Variants in SLC38A10 observed in about 807,000 individuals in gnomAD.
The protein encoded by SLC38A10 is solute carrier family 38 member 10.
Under a neutral mutation model 81.0 loss-of-function variants are expected in SLC38A10, and 53 were observed. The observed-to-expected ratio is 0.65, with a 90% CI of 0.53 to 0.82. The LOEUF (loss-of-function observed/expected upper bound fraction) is 0.82, where lower values mean the gene tolerates loss of function less well. Among genes scored for constraint, SLC38A10 ranks in the 40% least tolerant of loss-of-function variants. SLC38A10 has a pLI of 0.00. For missense variants in SLC38A10, 1,471 were observed against 1,545.0 expected (o/e 0.95, Z 0.80); for synonymous variants, 665 against 655.3 (o/e 1.01, Z -0.23).
At chr17:81,262,083 A>T (rs1288575559) in intron 10 of SLC38A10, among the ~76,000 whole-genome samples, 3 of 152,206 alleles carry the variant, frequency 2.0e-5, no homozygotes, top group Admixed American at 6.5e-5. Flanking sequence ...AAAGAGGAAG[A>T]AACCGGAACT....
intron 11 of SLC38A10, among the ~76,000 whole-genome samples, chr17:81,259,141 G>A (rs9901361): frequency 0.29 from 43,561 of 152,106 alleles, 7,021 homozygotes; most frequent in African/African-American, 0.41. Flanking sequence ...GCGTCCCCAC[G>A]CACTCAGCCG....
At position 81,271,005 on chromosome 17, in the gene SLC38A10, G is replaced by T. The variant is rs1460077477; in HGVS notation, c.1044C>A (p.Leu348=). The change falls in exon 10 of 16, where the codon CTC becomes CTA. Residue 348 remains leucine, a synonymous_variant. Coordinates refer to ENST00000374759, the MANE Select transcript of SLC38A10 (RefSeq NM_001037984.3). ...LIPNVETILG[L]TGATMGSLIC... ...TGAGGCTTCCCATGGTCGCTCCTGT[G>T]AGGCCCAGGATGGTCTCCACTAGGA... 4 of 1,612,790 alleles carry T rather than the reference G, an allele frequency of 2.5e-6. No individual in the cohort carries two copies. The highest frequency in any genetic ancestry group is 3.4e-6 in the Non-Finnish European group (4 of 1,179,950).
Position 81,253,705 on chromosome 17 carries a change from A to C in SLC38A10, c.1289-465T>G, listed in dbSNP as rs1219892467. Among the ~76,000 whole-genome samples the C allele has an allele frequency of 5.3e-5, 8 of 150,196 alleles. No individual in the cohort carries two copies. Among genetic ancestry groups the C allele is most frequent in the African/African-American group, 7.4e-5 (3 of 40,440 alleles). On this transcript the variant is annotated intron_variant, in intron 11 of 15. Transcript: ENST00000374759. The surrounding 1 kb of genome is among the most constrained non-coding windows in gnomAD (Gnocchi z 4.1). ...TACCACCAACATCACCATCATCACC[A>C]TCACCATCACCATCATCACCATCTC...
In SLC38A10 at chr17:81,272,637, A is replaced by G; in HGVS notation, c.913-10T>C. Reference sequence around the variant, plus strand: ...AGGTGCCATCTTTTTGCTGTACAAAAGAAAAACAAAAGGTTTTGAAATGAC... The same window carrying G: ...AGGTGCCATCTTTTTGCTGTACAAAGGAAAAACAAAAGGTTTTGAAATGAC... On this transcript the variant is annotated splice_polypyrimidine_tract_variant and intron_variant, in intron 8 of 15. Coordinates refer to ENST00000374759, the MANE Select transcript of SLC38A10 (RefSeq NM_001037984.3). 1 of 1,531,218 alleles carries G rather than the reference A, an allele frequency of 6.5e-7. No individual in the cohort carries two copies. Among genetic ancestry groups the G allele is most frequent in the Non-Finnish European group, 8.8e-7 (1 of 1,142,560 alleles). The allele number at this position is 1,531,218 out of a possible 1,614,324, so 94.9% of individuals were successfully genotyped here. A position where few individuals can be genotyped will look rare whatever the true frequency, so the allele number is the denominator to read the frequency against.
In SLC38A10 at chr17:81,283,514, C is replaced by A. The variant is rs370232927; in HGVS notation, c.264-12G>T. The A allele has an allele frequency of 6.3e-7, 1 of 1,598,638 alleles. No individual in the cohort carries two copies. The highest frequency in any genetic ancestry group is 1.3e-5 in the African/African-American group (1 of 74,468). Reference sequence around the variant, plus strand: ...TCAGCCCGATCATGCTGCACAGGGACGGGGGGTACGGGAAATGCCATCAGG... The same window carrying A: ...TCAGCCCGATCATGCTGCACAGGGAAGGGGGGTACGGGAAATGCCATCAGG... On this transcript the variant is annotated splice_polypyrimidine_tract_variant and intron_variant, in intron 3 of 15. Transcript: ENST00000374759. This position sits in a 1 kb window ranked among gnomAD's most constrained non-coding sequence, Gnocchi z 4.7.
At position 81,245,654 on chromosome 17, in the gene SLC38A10, C is replaced by A. The variant is rs775262641; in HGVS notation, c.3262G>T (p.Ala1088Ser). Reference protein sequence around the residue: ...PDVQVNDLRGALDAQLRQAAG... With the variant: ...PDVQVNDLRGSLDAQLRQAAG... ...GCCTGGCGGAGCTGGGCATCCAGGGCGCCACGGAGGTCGTTCACCTGGACA... is the reference window on the plus strand; with the variant it reads ...GCCTGGCGGAGCTGGGCATCCAGGGAGCCACGGAGGTCGTTCACCTGGACA... The change falls in exon 16 of 16, where the codon GCC (alanine) becomes TCC (serine). Residue 1088 changes from alanine to serine, a missense_variant. Ala to Ser is a moderately conservative substitution (Grantham distance 99). This residue lies in a region of SLC38A10 where 751 missense variants were observed against 717.4 expected (regional missense o/e 1.05). Transcript: ENST00000374759. 5 of 1,611,932 alleles carry A rather than the reference C, an allele frequency of 3.1e-6. No individual in the cohort carries two copies. The highest frequency in any genetic ancestry group is 1.1e-5 in the South Asian group (1 of 90,992).
chr17:81,280,051 CA>C, intron 6 of SLC38A10: 1 of 409,652 alleles, frequency 2.4e-6, no homozygotes, highest in South Asian at 1.7e-5. Context: ...CCTCTCTTTT[CA>C]GCCGGTTACC....
chr17:81,270,991 A>G lies in SLC38A10; in HGVS notation c.1058T>C (p.Met353Thr), dbSNP rs2063110485. 1 of 1,613,598 alleles carries G rather than the reference A, an allele frequency of 6.2e-7. No homozygotes were observed. Among genetic ancestry groups the G allele is most frequent in the African/African-American group, 1.3e-5 (1 of 75,046 alleles). ...GCAGATGAAGCAGATGAGGCTTCCC[A>G]TGGTCGCTCCTGTGAGGCCCAGGAT... ...ETILGLTGAT[M>T]GSLICFICPA... Residue 353 changes from methionine (M) to threonine (T), a missense_variant, in exon 10 of 16, where the codon ATG becomes ACG. Coordinates refer to ENST00000374759, the MANE Select transcript of SLC38A10 (RefSeq NM_001037984.3). This position sits in a 1 kb window ranked among gnomAD's most constrained non-coding sequence, Gnocchi z 4.0.
At chr17:81,259,873 C>A (rs1028187926) in intron 11 of SLC38A10, among the ~76,000 whole-genome samples, 2 of 152,212 alleles carry the variant, frequency 1.3e-5, no homozygotes, top group African/African-American at 4.8e-5. Flanking sequence ...CCGACCCTGT[C>A]CAGGAGAAAA....
chr17:81,254,916 G>A (rs1389278953), intron 11 of SLC38A10, among the ~76,000 whole-genome samples: 1 of 152,262 alleles, frequency 6.6e-6, no homozygotes, highest in Non-Finnish European at 1.5e-5. Context: ...AGGCTGGGGA[G>A]GGGAAGGGAA....
Position 81,253,115 on chromosome 17 carries a change from T to G in SLC38A10, c.1414A>C (p.Lys472Gln), listed in dbSNP as rs2062935343. Reference protein sequence around the residue: ...PVDVPGREDGKEAPEEAQLDR... With the variant: ...PVDVPGREDGQEAPEEAQLDR... ...AGCTGTGCCTCCTCCGGTGCCTCCT[T>G]GCCATCTTCCCGTCCAGGCACATCC... is the stretch of plus-strand genomic sequence containing the variant. Residue 472 changes from lysine (K) to glutamine (Q), a missense_variant, in exon 12 of 16, where the codon AAG becomes CAG. This residue lies in a region of SLC38A10 where 720 missense variants were observed against 827.7 expected (regional missense o/e 0.87). Coordinates refer to ENST00000374759, the MANE Select transcript of SLC38A10 (RefSeq NM_001037984.3). This position sits in a 1 kb window ranked among gnomAD's most constrained non-coding sequence, Gnocchi z 4.1. 6.2e-7 allele frequency: 1 copy of G among 1,613,710 alleles called. No individual in the cohort carries two copies. Among genetic ancestry groups the G allele is most frequent in the Non-Finnish European group, 8.5e-7 (1 of 1,180,046 alleles).
At chr17:81,254,706 A>G (rs1156883803) in intron 11 of SLC38A10, among the ~76,000 whole-genome samples, 3 of 152,352 alleles carry the variant, frequency 2.0e-5, no homozygotes, top group South Asian at 2.1e-4. Flanking sequence ...TCATTCTCCC[A>G]AAGTGCTGGG....
intron 10 of SLC38A10, among the ~76,000 whole-genome samples, chr17:81,267,297 A>G (rs7219382): frequency 0.51 from 78,034 of 152,078 alleles, 22,586 homozygotes; most frequent in African/African-American, 0.8. Flanking sequence ...AAATACAGGT[A>G]GATCAAAGAT....
intron 4 of SLC38A10, among the ~76,000 whole-genome samples, chr17:81,282,987 G>T (rs888607154): frequency 6.6e-6 from 1 of 152,208 alleles, no homozygotes; most frequent in South Asian, 2.1e-4. Flanking sequence ...TCTCTGTGGT[G>T]GGGGGCAAGC....
intron 10 of SLC38A10, among the ~76,000 whole-genome samples, chr17:81,262,445 G>A (rs1043572911): frequency 6.6e-6 from 1 of 152,182 alleles, no homozygotes; most frequent in African/African-American, 2.4e-5. Context: ...ATCCTGCCCC[G>A]CAAGGCAGCA....
chr17:81,246,189 T>C lies in SLC38A10; in HGVS notation c.2727A>G (p.Glu909=), dbSNP rs765007519. Residue 909 remains glutamate (E), a synonymous_variant, in exon 16 of 16, where the codon GAA becomes GAG. Coordinates refer to ENST00000374759, the MANE Select transcript of SLC38A10 (RefSeq NM_001037984.3). The part of the protein sequence containing the change: ...VAATGTSILK[E]ANWLVAGPGA... ...CTGGCCCTGCCACGAGCCAGTTGGC[T>C]TCCTTCAGAATGCTGGTGCCAGTGG... The C allele has an allele frequency of 1.2e-6, 2 of 1,612,612 alleles. No homozygotes were observed. Among genetic ancestry groups the C allele is most frequent in the Non-Finnish European group, 1.7e-6 (2 of 1,179,938 alleles).
At chr17:81,256,748 G>A (rs1281489884) in intron 11 of SLC38A10, among the ~76,000 whole-genome samples, 1 of 152,248 alleles carries the variant, frequency 6.6e-6, no homozygotes, top group Non-Finnish European at 1.5e-5. Context: ...GCTGCCATGA[G>A]AAAGTATTAC....
At chr17:81,256,832 G>T (rs114287046) in intron 11 of SLC38A10, among the ~76,000 whole-genome samples, 2 of 152,212 alleles carry the variant, frequency 1.3e-5, no homozygotes, top group African/African-American at 2.4e-5. Flanking sequence ...TGATCTTTGC[G>T]AATGTGAGGG....
chr17:81,292,102 A>G (rs1192313449), intron 1 of SLC38A10, among the ~76,000 whole-genome samples: 1 of 151,864 alleles, frequency 6.6e-6, no homozygotes, highest in South Asian at 2.1e-4. Flanking sequence ...ATCTATATCT[A>G]TATCTATCTA....
Sources: allele counts gnomAD v4.1 joint callset (sites outside exome capture counted in the v4.1 genomes callset), GRCh38; gene constraint gnomAD v4.1.1; regional missense constraint gnomAD v4.1.1; non-coding constraint Gnocchi (gnomAD v3.1); transcripts MANE v1.5; gene names NCBI Gene and HGNC (gene_info 2026-07-23, HGNC 2026-07-21).